GATA3: variants seen among roughly 807,000 people sequenced by gnomAD.
GATA3 encodes trans-acting T-cell-specific transcription factor GATA-3.
GATA3 carries 6 observed loss-of-function variants against 36.0 expected under a neutral mutation model. That is an observed-to-expected ratio of 0.17 (90% CI 0.09 to 0.33). The LOEUF is 0.33. GATA3 is among the 10% of genes least tolerant of loss of function. The pLI is 1.00. For synonymous variants in GATA3, 326 were observed against 273.0 expected (o/e 1.19, Z -1.92); for missense variants, 514 against 610.1 (o/e 0.84, Z 1.66).
At position 8,073,722 on chromosome 10, in the gene GATA3, AAT is replaced by A; in HGVS notation, c.1051-16_1051-15del. The A allele has an allele frequency of 1.3e-6, 2 of 1,599,616 alleles. No individual in the cohort carries two copies. The highest frequency in any genetic ancestry group is 1.1e-5 in the South Asian group (1 of 88,248). On this transcript the variant is annotated splice_polypyrimidine_tract_variant and intron_variant, in intron 5 of 5. Coordinates refer to ENST00000379328, the MANE Select transcript of GATA3 (RefSeq NM_001002295.2). The stretch of plus-strand genomic sequence containing the variant: ...CAAAAAAGTAAAAAAAAAAAAAAAA[AAT>A]TGATCTTTGTTTAGATTAACAGACC...
At position 8,074,272 on chromosome 10, in the gene GATA3, T is replaced by C. The variant is rs1209999278; in HGVS notation, c.*249T>C. ...ATCCCCTATTTAACAGGGTCTCTAG[T>C]GCTGTGAAAAAAAAAATGCTGAACA... On this transcript the variant is annotated 3_prime_UTR_variant, in exon 6 of 6. Coordinates refer to ENST00000379328, the MANE Select transcript of GATA3 (RefSeq NM_001002295.2). The C allele has an allele frequency of 6.5e-6, 3 of 462,136 alleles. No individual in the cohort carries two copies. The highest frequency in any genetic ancestry group is 1.1e-5 in the Non-Finnish European group (3 of 272,562). 28.6% of individuals were successfully genotyped at this position (462,136 alleles called of 1,614,324 possible).
chr10:8,074,054 C>A lies in GATA3; in HGVS notation c.*31C>A, dbSNP rs777099828. ...TGCTCGATGCTCACAGGGCCCCCAG[C>A]GAGAGTCCCTGCAGTCCCTTTCGAC... On this transcript the variant is annotated 3_prime_UTR_variant, in exon 6 of 6. Transcript: ENST00000379328. 6 of 1,611,814 alleles carry A rather than the reference C, an allele frequency of 3.7e-6. No individual in the cohort carries two copies. The highest frequency in any genetic ancestry group is 5.1e-6 in the Non-Finnish European group (6 of 1,178,758).
At chr10:8,060,102 T>C (rs896496097) in intron 3 of GATA3, among the ~76,000 whole-genome samples, 1 of 152,154 alleles carries the variant, frequency 6.6e-6, no homozygotes, top group East Asian at 1.9e-4. Context: ...GTTTTCAGGG[T>C]TTTTTTCCAG....
intron 3 of GATA3, among the ~76,000 whole-genome samples, chr10:8,059,229 C>T (rs1204529653): frequency 6.6e-6 from 1 of 152,202 alleles, no homozygotes; most frequent in Non-Finnish European, 1.5e-5. Context: ...AACGAAACCT[C>T]CTCAAGCCTA....
intron 4 of GATA3, among the ~76,000 whole-genome samples, chr10:8,067,634 C>G (rs909005408): frequency 5.3e-5 from 8 of 152,050 alleles, no homozygotes; most frequent in African/African-American, 1.9e-4. Flanking sequence ...CTGGCTAACA[C>G]AGGTGAAACC....
At chr10:8,060,775 GAGAA>G (rs1832734496) in intron 3 of GATA3, among the ~76,000 whole-genome samples, 1 of 152,142 alleles carries the variant, frequency 6.6e-6, no homozygotes, top group Non-Finnish European at 1.5e-5. Flanking sequence ...ACATGGAGGG[GAGAA>G]AGAGAGGGCC....
intron 4 of GATA3, among the ~76,000 whole-genome samples, chr10:8,068,162 C>T (rs907486992): frequency 4.8e-5 from 7 of 146,972 alleles, no homozygotes; most frequent in Admixed American, 3.3e-4. Context: ...TTAAATATGT[C>T]AAAAAGTGAA....
chr10:8,055,412 G>A lies in GATA3; in HGVS notation c.-244G>A. On this transcript the variant is annotated 5_prime_UTR_variant, in exon 2 of 6. Transcript: ENST00000379328. This position sits in a 1 kb window ranked among gnomAD's most constrained non-coding sequence, Gnocchi z 5.4. ...GTCCCGTTTTATTCTGCCGTACCCAGTTTTTGGATTTTTGTCTTCCCCTTC... is the reference window on the plus strand; with the variant it reads ...GTCCCGTTTTATTCTGCCGTACCCAATTTTTGGATTTTTGTCTTCCCCTTC... The A allele has an allele frequency of 1.7e-6, 1 of 582,918 alleles. No individual in the cohort carries two copies. Among genetic ancestry groups the A allele is most frequent in the East Asian group, 2.9e-5 (1 of 34,436 alleles). The allele number at this position is 582,918 out of a possible 1,614,324, so 36.1% of individuals were successfully genotyped here.
chr10:8,055,573 C>T lies in GATA3; in HGVS notation c.-83C>T, dbSNP rs1268639088. 3.3e-6 allele frequency: 5 copies of T among 1,497,924 alleles called. No homozygotes were observed. In the African/African-American group the frequency reaches 7.0e-5, roughly 21 times the overall value. The allele number at this position is 1,497,924 out of a possible 1,614,324, so 92.8% of individuals were successfully genotyped here. A position where few individuals can be genotyped will look rare whatever the true frequency, so the allele number is the denominator to read the frequency against. On this transcript the variant is annotated 5_prime_UTR_variant, in exon 2 of 6. Transcript: ENST00000379328. This position sits in a 1 kb window ranked among gnomAD's most constrained non-coding sequence, Gnocchi z 5.4. ...CCCCCGACCCTCCGACGGCAGGAGC[C>T]CCCCGACCTCCCAGGCGGACCGCCC...
chr10:8,065,008 CAAAT>C (rs1832812292), intron 4 of GATA3, among the ~76,000 whole-genome samples: 1 of 152,108 alleles, frequency 6.6e-6, no homozygotes, highest in Admixed American at 6.5e-5. Context: ...ATGTGACAGA[CAAAT>C]AACAACTCTA....
Position 8,062,972 on chromosome 10 carries a change from A to G in GATA3, c.779-1021A>G, listed in dbSNP as rs538734568. Reference sequence around the variant, plus strand: ...CCCCATGTCTTGAAATGGTAATTTAAGGGATTCTTCCAAGGAGCTTTCTGG... The same window carrying G: ...CCCCATGTCTTGAAATGGTAATTTAGGGGATTCTTCCAAGGAGCTTTCTGG... On this transcript the variant is annotated intron_variant, in intron 3 of 5. Transcript: ENST00000379328. Among the ~76,000 whole-genome samples, 19 of 152,284 alleles carry G rather than the reference A, an allele frequency of 1.2e-4. No homozygotes were observed. In the South Asian group the frequency reaches 3.7e-3, roughly 30 times the overall value.
intron 5 of GATA3, among the ~76,000 whole-genome samples, chr10:8,071,218 C>T (rs1832925787): frequency 6.6e-6 from 1 of 152,112 alleles, no homozygotes; most frequent in South Asian, 2.1e-4. Context: ...GTCGCTTGCA[C>T]AAGGTAACGT....
chr10:8,058,328 C>G lies in GATA3; in HGVS notation c.265C>G (p.Leu89Val). 1.2e-6 allele frequency: 2 copies of G among 1,613,608 alleles called. No individual in the cohort carries two copies. The highest frequency in any genetic ancestry group is 2.7e-5 in the African/African-American group (2 of 75,048). The change falls in exon 3 of 6, where the codon CTG becomes GTG. Residue 89 changes from leucine to valine, a missense_variant. By Grantham distance (32) the Leu-to-Val change is conservative. Coordinates refer to ENST00000379328, the MANE Select transcript of GATA3 (RefSeq NM_001002295.2). ...AGGGAGCCAGGTGTGCCGCCCGCCTCTGCTTCATGGATCCCTACCCTGGCT... is the reference window on the plus strand; with the variant it reads ...AGGGAGCCAGGTGTGCCGCCCGCCTGTGCTTCATGGATCCCTACCCTGGCT... ...HHGSQVCRPP[L>V]LHGSLPWLDG...
chr10:8,055,327 C>T lies in GATA3; in HGVS notation c.-329C>T. ...ACTCCGCCTCCGAGCGGCTGAGGAC[C>T]CCGGTGCAGAGGAGCCTGGCTCGCA... On this transcript the variant is annotated 5_prime_UTR_variant, in exon 2 of 6. Coordinates refer to ENST00000379328, the MANE Select transcript of GATA3 (RefSeq NM_001002295.2). The surrounding 1 kb of genome is among the most constrained non-coding windows in gnomAD (Gnocchi z 5.4). The T allele has an allele frequency of 2.1e-6, 1 of 467,138 alleles. No individual in the cohort carries two copies. The highest frequency in any genetic ancestry group is 3.9e-6 in the Non-Finnish European group (1 of 258,446). The allele number at this position is 467,138 out of a possible 1,614,324, so 28.9% of individuals were successfully genotyped here.
chr10:8,059,637 T>G (rs1338096525), intron 3 of GATA3, among the ~76,000 whole-genome samples: 1 of 152,260 alleles, frequency 6.6e-6, no homozygotes, highest in East Asian at 1.9e-4. Context: ...CTCAGCTTCC[T>G]GTGCTCTGTT....
rs768583935 is a variant in GATA3 at position 8,058,358 on chromosome 10, G to T, written c.295G>T (p.Gly99Cys). 13 of 1,613,018 alleles carry T rather than the reference G, an allele frequency of 8.1e-6. No individual in the cohort carries two copies. Among genetic ancestry groups the T allele is most frequent in the Non-Finnish European group, 1.1e-5 (13 of 1,180,016 alleles). Residue 99 changes from glycine to cysteine, a missense_variant, in exon 3 of 6, where the codon GGC (glycine) becomes TGC (cysteine). By Grantham distance (159) the Gly-to-Cys change is radical (BLOSUM62 -3). Transcript: ENST00000379328. ...TCATGGATCCCTACCCTGGCTGGACGGCGGCAAAGCCCTGGGCAGCCACCA... is the reference window on the plus strand; with the variant it reads ...TCATGGATCCCTACCCTGGCTGGACTGCGGCAAAGCCCTGGGCAGCCACCA... ...LLHGSLPWLD[G>C]GKALGSHHTA...
chr10:8,064,154 GGGAT>G lies in GATA3; in HGVS notation c.924+21_924+24del. The stretch of plus-strand genomic sequence containing the variant: ...GCGAAGGCTGGTAAGTTCTCGGGAA[GGGAT>G]GGATTCCATGCTGACCATTCTGGGT... On this transcript the variant is annotated intron_variant, in intron 4 of 5. Transcript: ENST00000379328. 6.2e-7 allele frequency: 1 copy of G among 1,614,152 alleles called. No homozygotes were observed. The highest frequency in any genetic ancestry group is 8.5e-7 in the Non-Finnish European group (1 of 1,180,024).
chr10:8,058,801 C>G lies in GATA3; in HGVS notation c.738C>G (p.Gly246=). 1 of 1,607,502 alleles carries G rather than the reference C, an allele frequency of 6.2e-7. No individual in the cohort carries two copies. Among genetic ancestry groups the G allele is most frequent in the South Asian group, 1.1e-5 (1 of 91,066 alleles). The change falls in exon 3 of 6, where the codon GGC becomes GGG. Residue 246 remains glycine (G), a synonymous_variant. Transcript: ENST00000379328. ...GCCTGCTGGGCGGCTCCCCCACCGGCTTCGGATGCAAGTCCAGGCCCAAGG... is the reference window on the plus strand; with the variant it reads ...GCCTGCTGGGCGGCTCCCCCACCGGGTTCGGATGCAAGTCCAGGCCCAAGG... ...PSSLLGGSPT[G]FGCKSRPKAR...
rs1393429990 is a variant in GATA3 at position 8,055,591 on chromosome 10, G to T, written c.-65G>T. Reference sequence around the variant, plus strand: ...CAGGAGCCCCCCGACCTCCCAGGCGGACCGCCCTCCCTCCCCGCGCGCGGG... The same window carrying T: ...CAGGAGCCCCCCGACCTCCCAGGCGTACCGCCCTCCCTCCCCGCGCGCGGG... On this transcript the variant is annotated 5_prime_UTR_variant, in exon 2 of 6. Coordinates refer to ENST00000379328, the MANE Select transcript of GATA3 (RefSeq NM_001002295.2). This position sits in a 1 kb window ranked among gnomAD's most constrained non-coding sequence, Gnocchi z 5.4. 1.3e-5 allele frequency: 20 copies of T among 1,526,322 alleles called. No individual in the cohort carries two copies. Among genetic ancestry groups the T allele is most frequent in the Non-Finnish European group, 1.7e-5 (19 of 1,141,950 alleles). The allele number at this position is 1,526,322 out of a possible 1,614,324, so 94.5% of individuals were successfully genotyped here. A position where few individuals can be genotyped will look rare whatever the true frequency, so the allele number is the denominator to read the frequency against.
Sources: allele counts gnomAD v4.1 joint callset (sites outside exome capture counted in the v4.1 genomes callset), GRCh38; gene constraint gnomAD v4.1.1; non-coding constraint Gnocchi (gnomAD v3.1); transcripts MANE v1.5; gene names NCBI Gene and HGNC (gene_info 2026-07-23, HGNC 2026-07-21).